The following MED15 variants were observed in gnomAD, a reference collection of about 807,000 sequenced individuals.
MED15 encodes mediator complex subunit 15, also known as mediator of RNA polymerase II transcription subunit 15.
In MED15, 41 loss-of-function variants were observed where a neutral mutation model predicts 118.7. The observed-to-expected ratio is 0.35, with a 90% CI of 0.27 to 0.45. The LOEUF is 0.45. MED15 is among the 20% of genes least tolerant of loss of function. MED15 has a pLI of 1.00. For missense variants in MED15, 740 were observed against 1,025.5 expected (o/e 0.72, Z 3.80); for synonymous variants, 436 against 413.9 (o/e 1.05, Z -0.65).
intron 5 of MED15, among the ~76,000 whole-genome samples, chr22:20,555,723 T>C (rs2055974098): frequency 6.6e-6 from 1 of 152,240 alleles, no homozygotes; most frequent in Admixed American, 6.5e-5. Flanking sequence ...CCCTCTTCTT[T>C]CCAGGACCTG....
At position 20,575,168 on chromosome 22, in the gene MED15, C is replaced by T; in HGVS notation, c.1208C>T (p.Pro403Leu). The T allele has an allele frequency of 2.5e-6, 4 of 1,614,218 alleles. No homozygotes were observed. Among genetic ancestry groups the T allele is most frequent in the Non-Finnish European group, 3.4e-6 (4 of 1,180,046 alleles). ...ATGCACATAAGAGCCCGGTTCCCGC[C>T]TACCACCGCTGTGTCCGCCATCCCG... ...GGMHIRARFP[P>L]TTAVSAIPSS... The change falls in exon 9 of 18, where the codon CCT becomes CTT. Residue 403 changes from proline to leucine, a missense_variant. Pro to Leu is a moderately conservative substitution (Grantham distance 98). Transcript: ENST00000263205.
At chr22:20,583,035 C>T (rs1183505128) in intron 11 of MED15, 68 bp downstream of exon 11, 10 of 1,571,486 alleles carry the variant, frequency 6.4e-6, no homozygotes, top group Middle Eastern at 1.7e-4. Context: ...ACTGGGTGTG[C>T]GAGCTCTGGG....
chr22:20,523,668 A>G (rs945507776), intron 1 of MED15: 1 of 985,114 alleles, frequency 1.0e-6, no homozygotes, highest in Non-Finnish European at 1.2e-6. Flanking sequence ...GGTGAATGGG[A>G]CACTTTCAGG....
intron 5 of MED15, among the ~76,000 whole-genome samples, chr22:20,559,736 A>G (rs1049576293): frequency 6.6e-5 from 10 of 152,366 alleles, no homozygotes; most frequent in African/African-American, 2.4e-4. Context: ...AGACTCAAGG[A>G]TGTGGAAAGC....
Position 20,551,929 on chromosome 22 carries a change from C to T in MED15, c.208+442C>T, listed in dbSNP as rs116898775. Among the ~76,000 whole-genome samples, 572 of 152,320 alleles carry T rather than the reference C, an allele frequency of 3.8e-3. 4 individuals carry two copies. Among genetic ancestry groups the T allele is most frequent in the African/African-American group, 0.011 (478 of 41,580 alleles). ...TTCTGAGGAGGACCTCCTGAGTCTG[C>T]ACCCTGGCTCCCTGCTGTGCTGAGG... is the stretch of plus-strand genomic sequence containing the variant. On this transcript the variant is annotated intron_variant, in intron 3 of 17. Transcript: ENST00000263205.
At chr22:20,555,961 G>A (rs908125022) in intron 5 of MED15, among the ~76,000 whole-genome samples, 4 of 152,182 alleles carry the variant, frequency 2.6e-5, no homozygotes, top group Admixed American at 1.3e-4. Flanking sequence ...GGGCTCAAGC[G>A]ATCTGCTCAC....
At chr22:20,530,365 A>G (rs1436356743) in intron 1 of MED15, among the ~76,000 whole-genome samples, 1 of 152,186 alleles carries the variant, frequency 6.6e-6, no homozygotes, top group Non-Finnish European at 1.5e-5. Context: ...GAAGAAACTC[A>G]CAGAAGTTTC....
At chr22:20,520,927 A>T (rs1480810319) in intron 1 of MED15, among the ~76,000 whole-genome samples, 2 of 151,338 alleles carry the variant, frequency 1.3e-5, no homozygotes, top group South Asian at 4.2e-4. Flanking sequence ...TTTTGTAGAG[A>T]TGGGGTTTTG....
intron 1 of MED15, among the ~76,000 whole-genome samples, chr22:20,514,644 C>G (rs1184049942): frequency 6.6e-6 from 1 of 152,194 alleles, no homozygotes; most frequent in Non-Finnish European, 1.5e-5. Flanking sequence ...ACTGCCAGGT[C>G]AGCCACCTCT....
chr22:20,574,995 C>T, intron 8 of MED15, 118 bp from the exon 9 acceptor site: 1 of 1,504,390 alleles, frequency 6.6e-7, no homozygotes, highest in Non-Finnish European at 9.0e-7. Flanking sequence ...CCGAGCTGCC[C>T]AAGCTTTCCT....
In MED15 at chr22:20,585,286, G is replaced by T; in HGVS notation, c.2131+19G>T. The T allele has an allele frequency of 6.2e-7, 1 of 1,608,966 alleles. No homozygotes were observed. Among genetic ancestry groups the T allele is most frequent in the South Asian group, 1.1e-5 (1 of 90,884 alleles). On this transcript the variant is annotated intron_variant, in intron 16 of 17. Transcript: ENST00000263205. ...AAGCTGGGTGAGTGTCCAGAGGGCC[G>T]GGACTGGTGTGGGAAAGCAGGCCCT...
intron 2 of MED15, among the ~76,000 whole-genome samples, chr22:20,537,676 GAGA>G (rs1477115029): frequency 2.0e-5 from 3 of 152,260 alleles, no homozygotes; most frequent in Non-Finnish European, 4.4e-5. Flanking sequence ...AGGTGGAGTG[GAGA>G]AGAAGGATTT....
intron 2 of MED15, among the ~76,000 whole-genome samples, chr22:20,546,894 A>G (rs1197630360): frequency 1.3e-5 from 2 of 152,208 alleles, no homozygotes; most frequent in Admixed American, 6.5e-5. Context: ...CATTTGGAGC[A>G]TGCTACGTGG....
chr22:20,516,747 G>A (rs1023599901), intron 1 of MED15, among the ~76,000 whole-genome samples: 3 of 151,994 alleles, frequency 2.0e-5, no homozygotes, highest in Admixed American at 2.0e-4. Flanking sequence ...GCATTCCTTA[G>A]GACAGTAATT....
Position 20,573,198 on chromosome 22 carries a change from C to A in MED15, c.1153-1915C>A, listed in dbSNP as rs1309069060. Among the ~76,000 whole-genome samples, 7 of 152,248 alleles carry A rather than the reference C, an allele frequency of 4.6e-5. No individual in the cohort carries two copies. The East Asian group carries it at 1.4e-3, about 29-fold the overall frequency. ...GGCCAGGCTGGTCTTGAACTCCTCG[C>A]CTTAAGAGATGTGCCCGCTTTGGCC... On this transcript the variant is annotated intron_variant, in intron 8 of 17. Coordinates refer to ENST00000263205, the MANE Select transcript of MED15 (RefSeq NM_001003891.3).
chr22:20,514,742 T>G (rs1176016820), intron 1 of MED15, among the ~76,000 whole-genome samples: 2 of 152,210 alleles, frequency 1.3e-5, no homozygotes, highest in Non-Finnish European at 2.9e-5. Flanking sequence ...TCCAAGGGTC[T>G]GGAGAGGTCT....
At chr22:20,525,530 CTTTTTT>C (rs753248152) in intron 1 of MED15, among the ~76,000 whole-genome samples, 25 of 113,314 alleles carry the variant, frequency 2.2e-4, no homozygotes, top group African/African-American at 2.9e-4. Context: ...TGACCTTTCT[CTTTTTT>C]TTTTTTTTTT....
intron 17 of MED15, 138 bp from the exon 18 acceptor site, chr22:20,586,430 C>G: frequency 7.8e-7 from 1 of 1,279,944 alleles, no homozygotes. Flanking sequence ...GCCCAAAGGC[C>G]GGGCAGCGTG....
At chr22:20,581,148 TG>T (rs774345080) in intron 9 of MED15, among the ~76,000 whole-genome samples, 1 of 152,196 alleles carries the variant, frequency 6.6e-6, no homozygotes, top group Non-Finnish European at 1.5e-5. Context: ...CCAGCACACG[TG>T]GTTCAGGAAC....
Sources: gnomAD v4.1 joint callset for allele counts (sites outside exome capture counted in the v4.1 genomes callset) on GRCh38, gnomAD v4.1.1 for gene constraint, MANE v1.5 for transcripts, NCBI Gene and HGNC (gene_info 2026-07-23, HGNC 2026-07-21) for gene names.